RBMS3: variants seen among roughly 807,000 people sequenced by gnomAD.
RBMS3 encodes RNA binding motif single stranded interacting protein 3.
A neutral mutation model predicts 66.8 loss-of-function variants in RBMS3; 27 were observed. That is an observed-to-expected ratio of 0.40 (90% CI 0.30 to 0.56). The LOEUF (loss-of-function observed/expected upper bound fraction) is 0.56, where lower values mean the gene tolerates loss of function less well. Among genes scored for constraint, RBMS3 ranks in the 20% least tolerant of loss-of-function variants. The pLI, the probability that RBMS3 is intolerant of heterozygous loss-of-function variation, is 0.40. For synonymous variants in RBMS3, 188 were observed against 183.0 expected (o/e 1.03, Z -0.22); for missense variants, 513 against 549.5 (o/e 0.93, Z 0.66).
At chr3:29,376,912 A>C (rs867984547) in intron 1 of RBMS3, among the ~76,000 whole-genome samples, 1 of 151,962 alleles carries the variant, frequency 6.6e-6, no homozygotes, top group South Asian at 2.1e-4. Context: ...TCAAACAACA[A>C]CAAAAACAAC....
intron 14 of RBMS3, among the ~76,000 whole-genome samples, chr3:29,997,536 C>A (rs899002544): frequency 6.7e-6 from 1 of 150,232 alleles, no homozygotes; most frequent in Non-Finnish European, 1.5e-5. Flanking sequence ...ACTGGCAAAA[C>A]GAATCCAGCA....
chr3:29,656,034 G>A (rs1015708104), intron 4 of RBMS3, among the ~76,000 whole-genome samples: 1 of 152,032 alleles, frequency 6.6e-6, no homozygotes, highest in Non-Finnish European at 1.5e-5. Flanking sequence ...GCTATGTGAT[G>A]TATTTGTGTT....
intron 8 of RBMS3, among the ~76,000 whole-genome samples, chr3:29,885,325 TC>T (rs2059845009): frequency 6.6e-6 from 1 of 151,948 alleles, no homozygotes; most frequent in African/African-American, 2.4e-5. Context: ...ATTAAGGATA[TC>T]TTTTCATATA....
intron 6 of RBMS3, among the ~76,000 whole-genome samples, chr3:29,815,904 C>T (rs1332523018): frequency 1.0e-4 from 15 of 150,338 alleles, no homozygotes; most frequent in Non-Finnish European, 7.4e-5. Flanking sequence ...ATCCATGTAA[C>T]CGAAAAGCAC....
At chr3:29,936,236 G>A in intron 11 of RBMS3, 40 bp downstream of exon 11, 2 of 1,551,022 alleles carry the variant, frequency 1.3e-6, no homozygotes, top group Non-Finnish European at 1.8e-6. Flanking sequence ...GAACTTTTTT[G>A]ATCAGATGTG....
chr3:29,826,847 A>G (rs1443996013), intron 6 of RBMS3, among the ~76,000 whole-genome samples: 20 of 152,148 alleles, frequency 1.3e-4, no homozygotes, highest in Admixed American at 1.3e-3. Context: ...CTACTATACA[A>G]TAGAAATAGT....
chr3:29,988,039 C>G, intron 12 of RBMS3, 104 bp from the exon 13 acceptor site: 1 of 847,786 alleles, frequency 1.2e-6, no homozygotes, highest in African/African-American at 1.7e-5. Context: ...AAAATACACA[C>G]TGGCTATGGG....
At chr3:29,768,958 A>T (rs1025172805) in intron 6 of RBMS3, among the ~76,000 whole-genome samples, 1 of 151,954 alleles carries the variant, frequency 6.6e-6, no homozygotes. Flanking sequence ...GGGTTCTAGA[A>T]ATTGTGTTAG....
chr3:29,352,324 T>A (rs768521036), intron 1 of RBMS3, among the ~76,000 whole-genome samples: 4 of 152,054 alleles, frequency 2.6e-5, no homozygotes, highest in Non-Finnish European at 5.9e-5. Context: ...CTTTATACAT[T>A]CAGGTCCCCC....
intron 2 of RBMS3, among the ~76,000 whole-genome samples, chr3:29,446,253 C>T (rs1414903890): frequency 1.3e-5 from 2 of 151,994 alleles, no homozygotes; most frequent in African/African-American, 4.8e-5. Context: ...ACATGTTAAG[C>T]CCTCAATAAT....
intron 4 of RBMS3, among the ~76,000 whole-genome samples, chr3:29,628,235 A>T (rs906831938): frequency 2.0e-5 from 3 of 152,174 alleles, no homozygotes; most frequent in African/African-American, 7.2e-5. Flanking sequence ...CTATACCATG[A>T]GTTCATGATT....
At position 29,299,173 on chromosome 3, in the gene RBMS3, T is replaced by C. The variant is rs77444175; in HGVS notation, c.75+17417T>C. Among the ~76,000 whole-genome samples the C allele has an allele frequency of 2.2e-3, 334 of 151,888 alleles. 9 individuals are homozygous for C. In the East Asian group the frequency reaches 0.06, roughly 27 times the overall value. On this transcript the variant is annotated intron_variant, in intron 1 of 14. Transcript: ENST00000383767. Reference sequence around the variant, plus strand: ...TTGGGCATTTGGTATATTGCTTAAGTAACAGCAGGAAGGGAAAGTATTCTT... The same window carrying C: ...TTGGGCATTTGGTATATTGCTTAAGCAACAGCAGGAAGGGAAAGTATTCTT...
chr3:29,653,019 C>A (rs1017712370), intron 4 of RBMS3, among the ~76,000 whole-genome samples: 1 of 151,960 alleles, frequency 6.6e-6, no homozygotes, highest in Non-Finnish European at 1.5e-5. Context: ...TCCAAATAAG[C>A]TGATTAAGAA....
intron 10 of RBMS3, among the ~76,000 whole-genome samples, chr3:29,915,125 G>A (rs995286074): frequency 6.6e-6 from 1 of 151,074 alleles, no homozygotes; most frequent in African/African-American, 2.4e-5. Context: ...TCACTGGAGG[G>A]TTCCCACTGC....
chr3:29,869,036 G>A (rs992009785), intron 7 of RBMS3, 72 bp downstream of exon 7: 19 of 1,247,028 alleles, frequency 1.5e-5, no homozygotes, highest in Non-Finnish European at 2.1e-5. Flanking sequence ...CAAGGCAGAC[G>A]TATGGTGCCA....
intron 1 of RBMS3, among the ~76,000 whole-genome samples, chr3:29,395,976 T>A (rs545613342): frequency 6.6e-6 from 1 of 152,324 alleles, no homozygotes; most frequent in Admixed American, 6.5e-5. Flanking sequence ...GATATTTGCA[T>A]AGTTTTGAGG....
chr3:29,462,102 A>C (rs753214128), intron 2 of RBMS3, among the ~76,000 whole-genome samples: 12 of 151,952 alleles, frequency 7.9e-5, no homozygotes, highest in Non-Finnish European at 1.6e-4. Flanking sequence ...AAATGGGGTG[A>C]TAATACATGA....
chr3:29,463,286 AT>A (rs1278432908), intron 2 of RBMS3, among the ~76,000 whole-genome samples: 77 of 152,348 alleles, frequency 5.1e-4, no homozygotes, highest in Non-Finnish European at 1.2e-4. Flanking sequence ...GTAGCTTTAG[AT>A]TAGCAAATAA....
chr3:29,754,172 C>T (rs564721274), intron 5 of RBMS3, among the ~76,000 whole-genome samples: 30 of 152,068 alleles, frequency 2.0e-4, no homozygotes, highest in East Asian at 1.2e-3. Context: ...CAGGCTGGTC[C>T]GAACTCCTGA....
Sources: gnomAD v4.1 joint callset for allele counts (sites outside exome capture counted in the v4.1 genomes callset) on GRCh38, gnomAD v4.1.1 for gene constraint, MANE v1.5 for transcripts, NCBI Gene and HGNC (gene_info 2026-07-23, HGNC 2026-07-21) for gene names.